Variants in GOT1 observed in about 807,000 individuals in gnomAD.
GOT1 encodes the protein glutamic-oxaloacetic transaminase 1.
Under a neutral mutation model 48.2 loss-of-function variants are expected in GOT1, and 25 were observed. The ratio of observed to expected loss-of-function variants is 0.52; its 90% confidence interval spans 0.38 to 0.72. The LOEUF (loss-of-function observed/expected upper bound fraction) is 0.72. Ranked by LOEUF, GOT1 falls within the 30% of genes least tolerant of loss-of-function variation. The pLI, the probability that GOT1 is intolerant of heterozygous loss-of-function variation, is 0.00. For synonymous variants in GOT1, 188 were observed against 193.8 expected (o/e 0.97, Z 0.25); for missense variants, 380 against 520.1 (o/e 0.73, Z 2.62).
chr10:99,397,059 A>G lies in GOT1; in HGVS notation c.*488T>C, dbSNP rs896651656. 2 of 157,148 alleles carry G rather than the reference A, an allele frequency of 1.3e-5. No individual in the cohort carries two copies. Among genetic ancestry groups the G allele is most frequent in the Admixed American group, 1.2e-4 (2 of 16,490 alleles). The allele number at this position is 157,148 out of a possible 1,614,324, so 9.7% of individuals were successfully genotyped here. The stretch of plus-strand genomic sequence containing the variant: ...CTTACCACAGTCACCCTAAAGAACC[A>G]AAGCTTAGGACTAGGGACACAACCA... On this transcript the variant is annotated 3_prime_UTR_variant, in exon 9 of 9. Transcript: ENST00000370508. This position sits in a 1 kb window ranked among gnomAD's most constrained non-coding sequence, Gnocchi z 5.4.
At chr10:99,415,827 C>T (rs554631294) in intron 2 of GOT1, among the ~76,000 whole-genome samples, 1 of 152,194 alleles carries the variant, frequency 6.6e-6, no homozygotes, top group African/African-American at 2.4e-5. Context: ...ATAAACAGAA[C>T]CAAAGCCAAA....
intron 4 of GOT1, 43 bp downstream of exon 4, chr10:99,406,094 C>T: frequency 7.5e-7 from 1 of 1,332,164 alleles, no homozygotes; most frequent in Middle Eastern, 1.8e-4. Context: ...CCTGAGATTC[C>T]TGACACCATG....
At chr10:99,429,879 C>G (rs890566429) in intron 1 of GOT1, among the ~76,000 whole-genome samples, 4 of 152,206 alleles carry the variant, frequency 2.6e-5, no homozygotes, top group African/African-American at 9.6e-5. Flanking sequence ...CCCCAGACCC[C>G]CCGGGGGCAG....
intron 2 of GOT1, among the ~76,000 whole-genome samples, chr10:99,407,474 C>T (rs746439030): frequency 2.0e-5 from 3 of 151,058 alleles, no homozygotes; most frequent in Non-Finnish European, 2.9e-5. Flanking sequence ...ATTCTGTCAC[C>T]TAGGTTGGAG....
chr10:99,404,971 G>A (rs1456965786), intron 5 of GOT1, among the ~76,000 whole-genome samples: 1 of 152,108 alleles, frequency 6.6e-6, no homozygotes, highest in Non-Finnish European at 1.5e-5. Context: ...GAAGGTTCCT[G>A]CCACCAACCC....
chr10:99,415,362 G>A (rs947523500), intron 2 of GOT1, among the ~76,000 whole-genome samples: 1 of 152,214 alleles, frequency 6.6e-6, no homozygotes, highest in East Asian at 1.9e-4. Flanking sequence ...TAAATTCCTC[G>A]ACACATACAC....
intron 1 of GOT1, chr10:99,430,154 G>A (rs755348605): frequency 3.5e-5 from 23 of 653,338 alleles, no homozygotes; most frequent in Non-Finnish European, 5.3e-5. Flanking sequence ...CATTTCTTAG[G>A]AGGATGCAGT....
chr10:99,397,672 A>G lies in GOT1; in HGVS notation c.1117T>C (p.Tyr373His), dbSNP rs1160568095. 3 of 1,614,108 alleles carry G rather than the reference A, an allele frequency of 1.9e-6. No homozygotes were observed. Among genetic ancestry groups the G allele is most frequent in the Non-Finnish European group, 2.5e-6 (3 of 1,179,982 alleles). The change falls in exon 9 of 9, where the codon TAT becomes CAT. Residue 373 changes from tyrosine to histidine, a missense_variant. Transcript: ENST00000370508. The surrounding 1 kb of genome is among the most constrained non-coding windows in gnomAD (Gnocchi z 5.4). Reference sequence around the variant, plus strand: ...TAGATGTGCTTTTCATTGACCAGATACTCAACCTGCTTGGCTGTTGAAAAC... The same window carrying G: ...TAGATGTGCTTTTCATTGACCAGATGCTCAACCTGCTTGGCTGTTGAAAAC... ...FTGLNPKQVE[Y>H]LVNEKHIYLL...
intron 7 of GOT1, 97 bp from the exon 8 acceptor site, chr10:99,402,819 C>T (rs2032699160): frequency 1.0e-6 from 1 of 991,782 alleles, no homozygotes; most frequent in Non-Finnish European, 1.6e-6. Context: ...CGACAGCTGA[C>T]AATGGGATCA....
rs770053769 is a variant in GOT1, at chr10:99,420,735, A to G, written c.189T>C (p.Asn63=). 6.2e-7 allele frequency: 1 copy of G among 1,614,056 alleles called. No individual in the cohort carries two copies. Among genetic ancestry groups the G allele is most frequent in the South Asian group, 1.1e-5 (1 of 91,088 alleles). The change falls in exon 2 of 9, where the codon AAT becomes AAC. Residue 63 remains asparagine (N), a synonymous_variant. Transcript: ENST00000370508. ...VVKKVEQKIA[N]DNSLNHEYLP... is the part of the protein sequence containing the mutation. The stretch of plus-strand genomic sequence containing the variant: ...GATACTCGTGATTTAGGCTATTGTC[A>G]TTAGCAATCTTCTGCTCCACTTTCT...
chr10:99,427,354 C>T (rs111627328), intron 1 of GOT1, among the ~76,000 whole-genome samples: 2,972 of 152,214 alleles, frequency 0.02, 90 homozygotes, highest in African/African-American at 0.065. Context: ...CTGCAAGCTC[C>T]GCCTCCTGGG....
chr10:99,418,598 G>A (rs899886680), intron 2 of GOT1, among the ~76,000 whole-genome samples: 1 of 151,598 alleles, frequency 6.6e-6, no homozygotes, highest in Non-Finnish European at 1.5e-5. Flanking sequence ...ACTTCTTGGG[G>A]TCAAGCAATC....
chr10:99,427,891 A>G (rs1451282794), intron 1 of GOT1, among the ~76,000 whole-genome samples: 2 of 152,228 alleles, frequency 1.3e-5, no homozygotes, highest in African/African-American at 4.8e-5. Context: ...TCTAAACAGT[A>G]ATAGTAATAA....
intron 8 of GOT1, among the ~76,000 whole-genome samples, chr10:99,401,156 A>C (rs2032669837): frequency 6.6e-6 from 1 of 152,186 alleles, no homozygotes; most frequent in African/African-American, 2.4e-5. Flanking sequence ...GAGCTTTTAG[A>C]CTATTACTAC....
At chr10:99,428,329 A>C (rs570541642) in intron 1 of GOT1, among the ~76,000 whole-genome samples, 1 of 152,280 alleles carries the variant, frequency 6.6e-6, no homozygotes, top group African/African-American at 2.4e-5. Context: ...TTGAATTAAT[A>C]AAATAAATCT....
At chr10:99,406,314 G>A (rs978538726) in intron 3 of GOT1, 65 bp from the exon 4 acceptor site, 40 of 1,172,034 alleles carry the variant, frequency 3.4e-5, no homozygotes, top group South Asian at 4.9e-5. Flanking sequence ...TGGAAAGGAT[G>A]CAAGTCAGCT....
intron 8 of GOT1, among the ~76,000 whole-genome samples, chr10:99,399,278 G>A (rs949895257): frequency 4.6e-5 from 7 of 152,086 alleles, no homozygotes; most frequent in Non-Finnish European, 7.4e-5. Context: ...TATTTTCTCC[G>A]AGGGCTGCTA....
chr10:99,398,286 T>A (rs2032625448), intron 8 of GOT1, among the ~76,000 whole-genome samples: 1 of 152,228 alleles, frequency 6.6e-6, no homozygotes, highest in Non-Finnish European at 1.5e-5. Context: ...CAGAAATGCA[T>A]CACATGTGGG....
Position 99,402,717 on chromosome 10 carries a change from C to T in GOT1, c.965G>A (p.Gly322Asp), listed in dbSNP as rs749990310. ...SNPELFEEWT[G>D]NVKTMADRIL... ...CCGGTCAGCCATTGTCTTCACATTACCTGTCCTGAAGCATGGACAGTGACG... is the reference window on the plus strand; with the variant it reads ...CCGGTCAGCCATTGTCTTCACATTATCTGTCCTGAAGCATGGACAGTGACG... Residue 322 changes from glycine to aspartate, a missense_variant, in exon 8 of 9, where the codon GGT becomes GAT. By Grantham distance (94) the Gly-to-Asp change is moderately conservative. Coordinates refer to ENST00000370508, the MANE Select transcript of GOT1 (RefSeq NM_002079.3). 6.2e-7 allele frequency: 1 copy of T among 1,613,688 alleles called. No homozygotes were observed. Among genetic ancestry groups the T allele is most frequent in the Non-Finnish European group, 8.5e-7 (1 of 1,179,578 alleles).
Sources: gnomAD v4.1 joint callset for allele counts (sites outside exome capture counted in the v4.1 genomes callset) on GRCh38, gnomAD v4.1.1 for gene constraint, Gnocchi (gnomAD v3.1) non-coding constraint, MANE v1.5 for transcripts, NCBI Gene and HGNC (gene_info 2026-07-23, HGNC 2026-07-21) for gene names.